ARHGAP28: variants seen among roughly 807,000 people sequenced by gnomAD.
The protein encoded by ARHGAP28 is Rho GTPase activating protein 28, also known as rho GTPase-activating protein 28.
A neutral mutation model predicts 90.7 loss-of-function variants in ARHGAP28; 56 were observed. The observed-to-expected ratio is 0.62, with a 90% CI of 0.50 to 0.77. The LOEUF is 0.77. ARHGAP28 is among the 30% of genes least tolerant of loss of function. ARHGAP28 has a pLI of 0.00. For missense variants in ARHGAP28, 869 were observed against 900.9 expected (o/e 0.96, Z 0.45); for synonymous variants, 308 against 323.3 (o/e 0.95, Z 0.51).
At position 6,851,132 on chromosome 18, in the gene ARHGAP28, T is replaced by A. The variant is rs1442863783; in HGVS notation, c.636+6T>A. ...TCAAGACAAGTGGTTCCATGGTAAGTTATAGTTGTGGGGGGATGGTGGTAG... is the reference window on the plus strand; with the variant it reads ...TCAAGACAAGTGGTTCCATGGTAAGATATAGTTGTGGGGGGATGGTGGTAG... On this transcript the variant is annotated splice_donor_region_variant and intron_variant, in intron 4 of 17. Coordinates refer to ENST00000383472, the MANE Select transcript of ARHGAP28 (RefSeq NM_001366230.1). 6.2e-7 allele frequency: 1 copy of A among 1,613,492 alleles called. No individual in the cohort carries two copies. The highest frequency in any genetic ancestry group is 1.1e-5 in the South Asian group (1 of 91,034).
chr18:6,864,629 A>T (rs2057024309), intron 5 of ARHGAP28, among the ~76,000 whole-genome samples: 1 of 152,010 alleles, frequency 6.6e-6, no homozygotes, highest in Non-Finnish European at 1.5e-5. Context: ...TCTTAATCAG[A>T]CTCTAAATAG....
At chr18:6,744,061 T>C (rs2056001767) in intron 1 of ARHGAP28, among the ~76,000 whole-genome samples, 1 of 152,106 alleles carries the variant, frequency 6.6e-6, no homozygotes, top group Non-Finnish European at 1.5e-5. Flanking sequence ...TAAGATACTC[T>C]GGGAAAGCAG....
At chr18:6,794,763 G>C (rs555597500) in intron 1 of ARHGAP28, among the ~76,000 whole-genome samples, 4 of 152,080 alleles carry the variant, frequency 2.6e-5, no homozygotes, top group Admixed American at 6.6e-5. Context: ...GCTCACTGCA[G>C]CCTCGACCTC....
At chr18:6,814,226 T>C (rs1444701036) in intron 1 of ARHGAP28, among the ~76,000 whole-genome samples, 1 of 152,150 alleles carries the variant, frequency 6.6e-6, no homozygotes, top group African/African-American at 2.4e-5. Context: ...AGTTTGAAGC[T>C]GAGCTGAAGT....
chr18:6,868,114 TA>T, intron 5 of ARHGAP28, 35 bp from the exon 6 acceptor site: 1 of 1,543,960 alleles, frequency 6.5e-7, no homozygotes. Context: ...GTATTTATGG[TA>T]AAATGTTTTG....
At chr18:6,884,717 C>T (rs1183449897) in intron 11 of ARHGAP28, among the ~76,000 whole-genome samples, 1 of 152,164 alleles carries the variant, frequency 6.6e-6, no homozygotes, top group South Asian at 2.1e-4. Flanking sequence ...GTTTGTGGGT[C>T]AGCCAGAGAT....
At chr18:6,824,018 C>T (rs62082808) in intron 1 of ARHGAP28, among the ~76,000 whole-genome samples, 19,997 of 152,124 alleles carry the variant, frequency 0.13, 1,440 homozygotes, top group Non-Finnish European at 0.15. Flanking sequence ...TGTTCACCAA[C>T]GCTTGTGATT....
chr18:6,866,841 C>T (rs1218978820), intron 5 of ARHGAP28, among the ~76,000 whole-genome samples: 2 of 152,092 alleles, frequency 1.3e-5, no homozygotes, highest in South Asian at 2.1e-4. Context: ...CAGTTTCAAG[C>T]CCTAAATAAA....
At chr18:6,848,504 A>G (rs2056883658) in intron 3 of ARHGAP28, among the ~76,000 whole-genome samples, 1 of 152,230 alleles carries the variant, frequency 6.6e-6, no homozygotes, top group African/African-American at 2.4e-5. Context: ...TTTATATATT[A>G]GCTTAAAAGT....
At chr18:6,783,689 C>T (rs73941115) in intron 1 of ARHGAP28, among the ~76,000 whole-genome samples, 3,004 of 152,290 alleles carry the variant, frequency 0.02, 76 homozygotes, top group African/African-American at 0.061. Context: ...AGACGCTCTG[C>T]GGGGAGCTCA....
intron 2 of ARHGAP28, among the ~76,000 whole-genome samples, chr18:6,827,628 G>A (rs1441265855): frequency 3.3e-5 from 3 of 91,064 alleles, no homozygotes; most frequent in African/African-American, 1.3e-4. Flanking sequence ...GCGGCTGGCC[G>A]GCAGGGGGGC....
intron 14 of ARHGAP28, among the ~76,000 whole-genome samples, chr18:6,892,750 G>A (rs935150581): frequency 2.6e-5 from 4 of 152,280 alleles, no homozygotes; most frequent in African/African-American, 9.6e-5. Context: ...GGAAGTCTGT[G>A]ATCCATTAGG....
At chr18:6,906,741 A>G (rs1279054282) in intron 16 of ARHGAP28, among the ~76,000 whole-genome samples, 1 of 152,216 alleles carries the variant, frequency 6.6e-6, no homozygotes. Flanking sequence ...AGAGCTTGAC[A>G]TAAAAAATGT....
chr18:6,802,791 C>A (rs886944502), intron 1 of ARHGAP28, among the ~76,000 whole-genome samples: 3 of 152,084 alleles, frequency 2.0e-5, no homozygotes, highest in Non-Finnish European at 2.9e-5. Context: ...TCTTTAATTT[C>A]TCAGCAATGT....
chr18:6,732,959 C>T (rs1178065493), intron 1 of ARHGAP28, among the ~76,000 whole-genome samples: 1 of 151,718 alleles, frequency 6.6e-6, no homozygotes, highest in African/African-American at 2.4e-5. Flanking sequence ...AAAATAAGGT[C>T]AAGAAAGCCT....
chr18:6,740,685 A>G (rs1240493366), intron 1 of ARHGAP28, among the ~76,000 whole-genome samples: 2 of 152,186 alleles, frequency 1.3e-5, no homozygotes, highest in Admixed American at 1.3e-4. Context: ...GCTAACTGCC[A>G]TGTTTTAGGA....
chr18:6,759,466 G>A (rs967264713), intron 1 of ARHGAP28, among the ~76,000 whole-genome samples: 13 of 152,126 alleles, frequency 8.5e-5, no homozygotes, highest in Non-Finnish European at 4.4e-5. Context: ...TTGTTTTTAA[G>A]TGCTACTAAT....
intron 1 of ARHGAP28, among the ~76,000 whole-genome samples, chr18:6,792,602 G>A (rs1322579501): frequency 6.6e-6 from 1 of 152,176 alleles, no homozygotes; most frequent in African/African-American, 2.4e-5. Context: ...CACTTCCTAT[G>A]GAGTGATACA....
chr18:6,772,295 A>C (rs1054009193), intron 1 of ARHGAP28, among the ~76,000 whole-genome samples: 2 of 152,216 alleles, frequency 1.3e-5, no homozygotes, highest in African/African-American at 4.8e-5. Context: ...ACAGAATGTA[A>C]GGTCATATTT....
Sources: gnomAD v4.1 joint callset for allele counts (sites outside exome capture counted in the v4.1 genomes callset) on GRCh38, gnomAD v4.1.1 for gene constraint, MANE v1.5 for transcripts, NCBI Gene and HGNC (gene_info 2026-07-23, HGNC 2026-07-21) for gene names.